The following RIMS2 variants were observed in gnomAD, a reference collection of about 807,000 sequenced individuals.
RIMS2 encodes the protein regulating synaptic membrane exocytosis 2.
Under a neutral mutation model 174.4 loss-of-function variants are expected in RIMS2, and 59 were observed. The observed-to-expected ratio is 0.34, with a 90% confidence interval of 0.27 to 0.42. The LOEUF (loss-of-function observed/expected upper bound fraction) is 0.42. RIMS2 is among the 10% of genes least tolerant of loss of function. The pLI, the probability that RIMS2 is intolerant of heterozygous loss-of-function variation, is 1.00. For synonymous variants in RIMS2, 606 were observed against 572.5 expected, an observed-to-expected ratio of 1.06 and a Z score of -0.84; for missense variants, 1,620 against 1,666.3, an observed-to-expected ratio of 0.97 and a Z score of 0.48.
chr8:103,917,718 T>C (rs2076872200), intron 8 of RIMS2, among the ~76,000 whole-genome samples: 1 of 152,124 alleles, frequency 6.6e-6, no homozygotes, highest in Non-Finnish European at 1.5e-5. Context: ...CTCAATGATG[T>C]TACTACATTT....
intron 3 of RIMS2, among the ~76,000 whole-genome samples, chr8:103,780,472 G>A (rs765459388): frequency 6.6e-6 from 1 of 151,834 alleles, no homozygotes; most frequent in Admixed American, 6.6e-5. Context: ...ATTTTCAAAT[G>A]CTTGTCTTCA....
intron 9 of RIMS2, among the ~76,000 whole-genome samples, chr8:103,918,844 C>G (rs1359374275): frequency 6.6e-6 from 1 of 152,040 alleles, no homozygotes; most frequent in Non-Finnish European, 1.5e-5. Flanking sequence ...TCACTACTCC[C>G]AAAAATTCAT....
intron 1 of RIMS2, among the ~76,000 whole-genome samples, chr8:103,684,538 T>TA (rs1339415360): frequency 8.1e-5 from 12 of 148,942 alleles, no homozygotes; most frequent in Admixed American, 6.1e-4. Context: ...GGTTCATACT[T>TA]TTTTTATTTT....
intron 1 of RIMS2, among the ~76,000 whole-genome samples, chr8:103,558,207 C>A (rs902691596): frequency 1.3e-5 from 2 of 151,882 alleles, no homozygotes; most frequent in African/African-American, 2.4e-5. Context: ...AAAAAAGAAA[C>A]CTTGTATTTA....
Position 103,948,739 on chromosome 8 carries a change from T to C in RIMS2, c.2701+5813T>C, listed in dbSNP as rs191172194. Among the ~76,000 whole-genome samples the C allele has an allele frequency of 2.2e-3, 335 of 152,244 alleles. 2 individuals carry two copies. Among genetic ancestry groups the C allele is most frequent in the African/African-American group, 7.8e-3 (326 of 41,552 alleles). ...GTGAAGGAGATATTCCAACATTAGA[T>C]TGTAGTGATGTATACACAAATTTTA... On this transcript the variant is annotated intron_variant, in intron 14 of 23. Coordinates refer to ENST00000504942, the Ensembl canonical transcript of RIMS2.
chr8:104,184,146 A>G (rs559127810), intron 19 of RIMS2, among the ~76,000 whole-genome samples: 7 of 151,684 alleles, frequency 4.6e-5, no homozygotes, highest in Non-Finnish European at 1.0e-4. Flanking sequence ...GGAAATGTAC[A>G]TAATGTGATT....
intron 1 of RIMS2, among the ~76,000 whole-genome samples, chr8:103,679,162 A>G (rs1316159935): frequency 6.6e-6 from 1 of 152,026 alleles, no homozygotes; most frequent in Non-Finnish European, 1.5e-5. Flanking sequence ...AGAACACTAT[A>G]TATCCTGAAA....
intron 19 of RIMS2, among the ~76,000 whole-genome samples, chr8:104,149,179 G>T (rs1211704627): frequency 6.6e-6 from 1 of 152,092 alleles, no homozygotes; most frequent in Non-Finnish European, 1.5e-5. Flanking sequence ...CTTTTCTTTA[G>T]GTTCCTCAAG....
At chr8:103,804,722 A>G (rs1435013962) in intron 3 of RIMS2, among the ~76,000 whole-genome samples, 1 of 152,204 alleles carries the variant, frequency 6.6e-6, no homozygotes, top group African/African-American at 2.4e-5. Flanking sequence ...AAGGTGCTGT[A>G]GCCATTGAGA....
intron 1 of RIMS2, among the ~76,000 whole-genome samples, chr8:103,612,897 T>C (rs1404429009): frequency 6.6e-6 from 1 of 152,190 alleles, no homozygotes; most frequent in East Asian, 1.9e-4. Flanking sequence ...CCTTACTTTC[T>C]TCCAGACAAA....
Position 103,888,365 on chromosome 8 carries a change from TA to T in RIMS2, c.1624+2143del, listed in dbSNP as rs750764058. Among the ~76,000 whole-genome samples, 38 of 151,538 alleles carry T rather than the reference TA, an allele frequency of 2.5e-4. 1 individual carries two copies. Among genetic ancestry groups the T allele is most frequent in the East Asian group, 3.9e-4 (2 of 5,174 alleles). On this transcript the variant is annotated intron_variant, in intron 4 of 23. Transcript: ENST00000504942. ...ATAAAGAGCAACTATCGATCTTAATTATTTTTTTTATGGAGTATATAGAGAT... is the reference window on the plus strand; with the variant it reads ...ATAAAGAGCAACTATCGATCTTAATTTTTTTTTTATGGAGTATATAGAGAT...
chr8:104,100,578 T>G (rs1297782428), intron 19 of RIMS2, among the ~76,000 whole-genome samples: 1 of 151,966 alleles, frequency 6.6e-6, no homozygotes, highest in African/African-American at 2.4e-5. Context: ...ACATTAGCTA[T>G]CCAAGCATTT....
chr8:103,591,747 A>T (rs2094269927), intron 1 of RIMS2, among the ~76,000 whole-genome samples: 1 of 151,094 alleles, frequency 6.6e-6, no homozygotes, highest in Non-Finnish European at 1.5e-5. Context: ...ATTCTGTTCC[A>T]CTGATCTATT....
intron 19 of RIMS2, among the ~76,000 whole-genome samples, chr8:104,056,993 T>G (rs548221300): frequency 9.9e-5 from 15 of 152,226 alleles, no homozygotes; most frequent in Non-Finnish European, 2.2e-4. Flanking sequence ...TTACTTCCAC[T>G]GTACTCTGCA....
intron 16 of RIMS2, among the ~76,000 whole-genome samples, chr8:103,985,177 T>C (rs563947394): frequency 4.6e-5 from 7 of 151,870 alleles, no homozygotes; most frequent in Non-Finnish European, 7.4e-5. Flanking sequence ...TAAAAATAAC[T>C]AAAAGAGTAT....
At chr8:103,885,974 C>T (rs560384002) in exon 4 of RIMS2, 5 of 1,612,958 alleles carry the variant, frequency 3.1e-6, no homozygotes, top group East Asian at 2.2e-5. Context: ...GAAACAGCAC[C>T]ACTTAGATCC....
intron 17 of RIMS2, chr8:103,998,268 T>C (rs1180040515): frequency 6.4e-7 from 1 of 1,568,116 alleles, no homozygotes. Context: ...TTTCTTACAA[T>C]TGAGTCTGTT....
intron 1 of RIMS2, among the ~76,000 whole-genome samples, chr8:103,558,324 A>G (rs1291272144): frequency 6.6e-6 from 1 of 152,074 alleles, no homozygotes; most frequent in African/African-American, 2.4e-5. Context: ...TGTGTTGTTC[A>G]AATGATTCTT....
chr8:103,535,398 C>T (rs1377883775), intron 1 of RIMS2, among the ~76,000 whole-genome samples: 1 of 152,214 alleles, frequency 6.6e-6, no homozygotes, highest in Non-Finnish European at 1.5e-5. Flanking sequence ...TACCAGGAAC[C>T]TTGCTCAGAA....
Sources: gnomAD v4.1 joint callset for allele counts (sites outside exome capture counted in the v4.1 genomes callset) on GRCh38, gnomAD v4.1.1 for gene constraint, MANE v1.5 for transcripts, NCBI Gene and HGNC (gene_info 2026-07-23, HGNC 2026-07-21) for gene names.